Variants in REL observed in about 807,000 individuals in gnomAD.
REL encodes the protein proto-oncogene c-Rel.
Under a neutral mutation model 45.9 loss-of-function variants are expected in REL, and 15 were observed. The ratio of observed to expected loss-of-function variants is 0.33; its 90% CI spans 0.22 to 0.50. The LOEUF is 0.50. REL is among the 20% of genes least tolerant of loss of function. REL has a pLI of 0.98. For synonymous variants in REL, 239 were observed against 242.1 expected, an observed-to-expected ratio of 0.99 and a Z score of 0.12; for missense variants, 601 against 715.2, an observed-to-expected ratio of 0.84 and a Z score of 1.82.
At chr2:60,918,364 T>C in intron 6 of REL, 30 bp from the exon 7 acceptor site, 1 of 320,196 alleles carries the variant, frequency 3.1e-6, no homozygotes, top group East Asian at 9.7e-5. Context: ...TGTTTTCCCA[T>C]TTTTTTTTTT....
chr2:60,919,994 A>G (rs1319813335), intron 7 of REL, 47 bp from the exon 8 acceptor site: 12 of 1,200,366 alleles, frequency 1.0e-5, no homozygotes, highest in Non-Finnish European at 1.3e-5. Flanking sequence ...AGGAGAGGAT[A>G]CAATCCTATA....
Position 60,906,910 on chromosome 2 carries a change from TA to T in REL, c.394+5828del, listed in dbSNP as rs142576723. Among the ~76,000 whole-genome samples, 349 of 89,042 alleles carry T rather than the reference TA, an allele frequency of 3.9e-3. 2 individuals carry two copies. Among genetic ancestry groups the T allele is most frequent in the African/African-American group, 9.5e-3 (225 of 23,596 alleles). The allele number at this position is 89,042 out of a possible 152,430, so 58.4% of individuals were successfully genotyped here. A position where few individuals can be genotyped will look rare whatever the true frequency, so the allele number is the denominator to read the frequency against. On this transcript the variant is annotated intron_variant, in intron 4 of 9. Coordinates refer to ENST00000394479, the MANE Select transcript of REL (RefSeq NM_001291746.2). ...GTGTGTGTGTATATATATATATATA[TA>T]TATTTTTTTTTTTTTTTTCTTTTCC...
Position 60,891,805 on chromosome 2 carries a change from C to A in REL, c.133C>A (p.Arg45=), listed in dbSNP as rs147654074. The A allele has an allele frequency of 4.1e-5, 66 of 1,613,474 alleles. No individual in the cohort carries two copies. In the African/African-American group the frequency reaches 7.9e-4, roughly 19 times the overall value. ...AGGGGAGCACAGCACAGACAACAAC[C>A]GAACATACCCTTCTATCCAGGTAAT... is the stretch of plus-strand genomic sequence containing the variant. The part of the protein sequence containing the change: ...IPGEHSTDNN[R]TYPSIQIMNY... The change falls in exon 2 of 10, where the codon CGA becomes AGA. Residue 45 remains arginine (R), a synonymous_variant. Coordinates refer to ENST00000394479, the MANE Select transcript of REL (RefSeq NM_001291746.2).
chr2:60,897,376 C>T (rs1163242770), intron 3 of REL, among the ~76,000 whole-genome samples: 2 of 150,834 alleles, frequency 1.3e-5, no homozygotes, highest in Admixed American at 6.6e-5. Context: ...GGTGCGATCT[C>T]ACCTCACTGC....
intron 3 of REL, among the ~76,000 whole-genome samples, chr2:60,898,492 G>A (rs967543831): frequency 2.0e-5 from 3 of 152,104 alleles, no homozygotes; most frequent in East Asian, 1.9e-4. Context: ...TTTTTCTTCT[G>A]TTCCAGCATA....
intron 1 of REL, among the ~76,000 whole-genome samples, chr2:60,888,553 A>T (rs116496970): frequency 0.023 from 3,576 of 152,346 alleles, 65 homozygotes; most frequent in Middle Eastern, 0.071. Context: ...GCAAGGATAA[A>T]ATCGTGAAAT....
intron 1 of REL, among the ~76,000 whole-genome samples, chr2:60,888,313 G>C (rs1385351022): frequency 6.6e-6 from 1 of 151,820 alleles, no homozygotes; most frequent in Non-Finnish European, 1.5e-5. Flanking sequence ...TATCATTAAC[G>C]ATGTCATTTT....
At chr2:60,882,119 A>G (rs769983227) in intron 1 of REL, among the ~76,000 whole-genome samples, 1 of 152,210 alleles carries the variant, frequency 6.6e-6, no homozygotes, top group Non-Finnish European at 1.5e-5. Context: ...GGAAGTCATA[A>G]GCGAACCAAA....
Position 60,917,023 on chromosome 2 carries a change from T to C in REL, c.535+6T>C. 6.2e-7 allele frequency: 1 copy of C among 1,604,298 alleles called. No individual in the cohort carries two copies. The highest frequency in any genetic ancestry group is 8.5e-7 in the Non-Finnish European group (1 of 1,175,806). ...GAACCCAATTTATGACAACCGTAAGTACTTCATTTTCTTATATTTGTAGTC... is the reference window on the plus strand; with the variant it reads ...GAACCCAATTTATGACAACCGTAAGCACTTCATTTTCTTATATTTGTAGTC... On this transcript the variant is annotated splice_donor_region_variant and intron_variant, in intron 5 of 9. Transcript: ENST00000394479.
rs1674259381 is a variant in REL at position 60,926,018 on chromosome 2, A to C, written c.*3483A>C. The C allele has an allele frequency of 4.4e-6, 1 of 228,240 alleles. No homozygotes were observed. The highest frequency in any genetic ancestry group is 5.7e-5 in the Admixed American group (1 of 17,598). 14.1% of individuals were successfully genotyped at this position (228,240 alleles called of 1,614,324 possible). On this transcript the variant is annotated 3_prime_UTR_variant, in exon 10 of 10. Transcript: ENST00000394479. The stretch of plus-strand genomic sequence containing the variant: ...GACCCTGTATAGACTTTAATTTAAA[A>C]TGAATTTGGTAACGTTTCTCCTCTG...
rs1356455778 is a variant in REL at position 60,927,221 on chromosome 2, A to G, written c.*4686A>G. On this transcript the variant is annotated 3_prime_UTR_variant, in exon 10 of 10. Coordinates refer to ENST00000394479, the MANE Select transcript of REL (RefSeq NM_001291746.2). ...AATAGTAGCTATTATTAGAAAAGGA[A>G]GGGTGAAATTGACATGGGAGTTAGT... 8.8e-6 allele frequency: 2 copies of G among 227,906 alleles called. No homozygotes were observed. Among genetic ancestry groups the G allele is most frequent in the African/African-American group, 2.2e-5 (1 of 45,068 alleles). 14.1% of individuals were successfully genotyped at this position (227,906 alleles called of 1,614,324 possible).
Position 60,922,615 on chromosome 2 carries a change from A to G in REL, c.*80A>G, listed in dbSNP as rs1378614863. Reference sequence around the variant, plus strand: ...TTTGTATTTGTCTAACTGGGGATATAATACTATATTTATACTGTATATATA... The same window carrying G: ...TTTGTATTTGTCTAACTGGGGATATGATACTATATTTATACTGTATATATA... On this transcript the variant is annotated 3_prime_UTR_variant, in exon 10 of 10. Coordinates refer to ENST00000394479, the MANE Select transcript of REL (RefSeq NM_001291746.2). 1 of 1,424,346 alleles carries G rather than the reference A, an allele frequency of 7.0e-7. No individual in the cohort carries two copies. Among genetic ancestry groups the G allele is most frequent in the Non-Finnish European group, 9.2e-7 (1 of 1,083,066 alleles). 88.2% of individuals were successfully genotyped at this position (1,424,346 alleles called of 1,614,324 possible).
intron 1 of REL, among the ~76,000 whole-genome samples, chr2:60,888,919 G>A (rs924520204): frequency 3.3e-5 from 5 of 151,910 alleles, no homozygotes; most frequent in African/African-American, 1.2e-4. Flanking sequence ...CCTCATCATT[G>A]CCCACATTAT....
Position 60,908,746 on chromosome 2 carries a change from T to G in REL, c.394+7663T>G, listed in dbSNP as rs142463501. 3.3e-3 allele frequency among the ~76,000 whole-genome samples: 505 copies of G among 152,338 alleles called. 6 individuals are homozygous for G. Among genetic ancestry groups the G allele is most frequent in the African/African-American group, 0.012 (484 of 41,562 alleles). ...TGTGCAATAAAATTGATTTTGACAA[T>G]AAAGAATTTGCAATTAAGTTTTATT... is the stretch of plus-strand genomic sequence containing the variant. On this transcript the variant is annotated intron_variant, in intron 4 of 9. Coordinates refer to ENST00000394479, the MANE Select transcript of REL (RefSeq NM_001291746.2).
intron 1 of REL, among the ~76,000 whole-genome samples, chr2:60,890,812 G>T (rs571032051): frequency 4.7e-4 from 72 of 152,026 alleles, no homozygotes; most frequent in Non-Finnish European, 8.8e-4. Context: ...ATATATCCCT[G>T]TTCTTAGGCA....
At chr2:60,883,794 G>A (rs193285575) in intron 1 of REL, among the ~76,000 whole-genome samples, 1 of 148,746 alleles carries the variant, frequency 6.7e-6, no homozygotes, top group Non-Finnish European at 1.5e-5. Context: ...AGGAGGAAAT[G>A]TTTAAAGAAA....
chr2:60,928,150 TCTG>T lies in REL; in HGVS notation c.*5617_*5619del. On this transcript the variant is annotated 3_prime_UTR_variant, in exon 10 of 10. Transcript: ENST00000394479. ...CTGGGTAATATAAGGAAAACCTGTCTCTGCAAAAAAAAAAAAAAAAAGAGGATA... is the reference window on the plus strand; with the variant it reads ...CTGGGTAATATAAGGAAAACCTGTCTCAAAAAAAAAAAAAAAAAGAGGATA... 6.5e-6 allele frequency: 1 copy of T among 153,990 alleles called. No homozygotes were observed. 9.5% of individuals were successfully genotyped at this position (153,990 alleles called of 1,614,324 possible).
chr2:60,896,493 A>G (rs1673354347), intron 3 of REL, among the ~76,000 whole-genome samples: 1 of 152,126 alleles, frequency 6.6e-6, no homozygotes, highest in South Asian at 2.1e-4. Flanking sequence ...TTTGTAATGA[A>G]CATGTATTGG....
At chr2:60,910,328 G>C (rs1011843028) in intron 4 of REL, among the ~76,000 whole-genome samples, 3 of 151,916 alleles carry the variant, frequency 2.0e-5, no homozygotes, top group Non-Finnish European at 4.4e-5. Context: ...AGCCGGGCAT[G>C]GTGGCGGGCG....
Sources: gnomAD v4.1 joint callset for allele counts (sites outside exome capture counted in the v4.1 genomes callset) on GRCh38, gnomAD v4.1.1 for gene constraint, MANE v1.5 for transcripts, NCBI Gene and HGNC (gene_info 2026-07-23, HGNC 2026-07-21) for gene names.